CENPP: variants seen among roughly 807,000 people sequenced by gnomAD.
The protein encoded by CENPP is centromere protein P.
CENPP carries 24 observed loss-of-function variants against 35.6 expected under a neutral mutation model. The ratio of observed to expected loss-of-function variants is 0.67; its 90% CI spans 0.49 to 0.95. CENPP has a LOEUF of 0.95. Among genes scored for constraint, CENPP ranks in the 40% least tolerant of loss-of-function variants. CENPP has a pLI of 0.00. For missense variants in CENPP, 332 were observed against 345.3 expected, an observed-to-expected ratio of 0.96 and a Z score of 0.31; for synonymous variants, 120 against 125.5, an observed-to-expected ratio of 0.96 and a Z score of 0.29.
intron 3 of CENPP, among the ~76,000 whole-genome samples, chr9:92,338,326 C>A (rs1185014702): frequency 6.6e-6 from 1 of 151,678 alleles, no homozygotes; most frequent in Non-Finnish European, 1.5e-5. Flanking sequence ...AAAAAAAAAA[C>A]CACCAAAAAT....
chr9:92,496,586 G>A (rs1223367915), intron 5 of CENPP: 2 of 1,440,222 alleles, frequency 1.4e-6, no homozygotes, highest in Non-Finnish European at 1.8e-6. Context: ...TTAAAATAAA[G>A]TTGGATCCTT....
chr9:92,352,505 G>GTGTATATATATATA, intron 4 of CENPP, among the ~76,000 whole-genome samples: 2 of 49,786 alleles, frequency 4.0e-5, no homozygotes, highest in African/African-American at 1.8e-4. Flanking sequence ...GTGTGTGTGT[G>GTGTATATATATATA]TATACATATA....
chr9:92,338,839 C>T (rs1007299309), intron 3 of CENPP, among the ~76,000 whole-genome samples: 7 of 152,076 alleles, frequency 4.6e-5, no homozygotes, highest in Non-Finnish European at 7.4e-5. Flanking sequence ...TCTTGTACCT[C>T]GTATTGAACT....
intron 1 of CENPP, among the ~76,000 whole-genome samples, chr9:92,329,061 G>A (rs1840655496): frequency 6.6e-6 from 1 of 152,038 alleles, no homozygotes; most frequent in South Asian, 2.1e-4. Flanking sequence ...TGCATATCCA[G>A]CCTTTAATGA....
At chr9:92,603,813 C>G (rs1175717871) in intron 5 of CENPP, among the ~76,000 whole-genome samples, 1 of 152,162 alleles carries the variant, frequency 6.6e-6, no homozygotes, top group Non-Finnish European at 1.5e-5. Flanking sequence ...TCTTGCCCAC[C>G]TCCCCAGTCC....
intron 5 of CENPP, among the ~76,000 whole-genome samples, chr9:92,440,806 G>T (rs1844366709): frequency 6.6e-6 from 1 of 152,092 alleles, no homozygotes; most frequent in African/African-American, 2.4e-5. Flanking sequence ...TACTTGCTGT[G>T]GTTTCAGGCA....
At chr9:92,570,529 C>G (rs1290525526) in intron 5 of CENPP, among the ~76,000 whole-genome samples, 1 of 152,084 alleles carries the variant, frequency 6.6e-6, no homozygotes, top group African/African-American at 2.4e-5. Flanking sequence ...GGATATTGGT[C>G]TAAAATGCTC....
chr9:92,418,301 G>A lies in CENPP; in HGVS notation c.564+38442G>A, dbSNP rs183337115. ...GGGGTTTCTCCATCTTGGCCAGGCT[G>A]GTCTCTAACTCCTGACCTCAGGTGA... is the stretch of plus-strand genomic sequence containing the variant. On this transcript the variant is annotated intron_variant, in intron 5 of 7. Coordinates refer to ENST00000375587, the MANE Select transcript of CENPP (RefSeq NM_001012267.3). Among the ~76,000 whole-genome samples the A allele has an allele frequency of 2.1e-3, 318 of 151,582 alleles. 1 individual carries two copies. The highest frequency in any genetic ancestry group is 7.2e-3 in the African/African-American group (296 of 41,284).
intron 5 of CENPP, among the ~76,000 whole-genome samples, chr9:92,562,554 T>C (rs1849874406): frequency 6.6e-6 from 1 of 152,120 alleles, no homozygotes; most frequent in Non-Finnish European, 1.5e-5. Context: ...TCATAGGTTG[T>C]TTCTCTTTCA....
At chr9:92,379,100 T>C (rs1704543046) in intron 4 of CENPP, among the ~76,000 whole-genome samples, 1 of 152,188 alleles carries the variant, frequency 6.6e-6, no homozygotes, top group Non-Finnish European at 1.5e-5. Context: ...AACACTATAC[T>C]TACAATTAGC....
chr9:92,371,423 G>A (rs1588067447), intron 4 of CENPP, among the ~76,000 whole-genome samples: 1 of 152,222 alleles, frequency 6.6e-6, no homozygotes, highest in East Asian at 1.9e-4. Context: ...ATAGCTTCCA[G>A]GGTTCCTTTT....
At chr9:92,546,652 T>G (rs181278005) in intron 5 of CENPP, among the ~76,000 whole-genome samples, 2 of 152,166 alleles carry the variant, frequency 1.3e-5, no homozygotes, top group South Asian at 4.1e-4. Flanking sequence ...CACGCTGCCT[T>G]TAAGAACTGT....
At chr9:92,606,913 A>G (rs1399859226) in intron 5 of CENPP, among the ~76,000 whole-genome samples, 1 of 152,206 alleles carries the variant, frequency 6.6e-6, no homozygotes, top group African/African-American at 2.4e-5. Context: ...CAGTGAGCCA[A>G]GATTGCACCA....
At chr9:92,328,436 A>G (rs1039484487) in intron 1 of CENPP, among the ~76,000 whole-genome samples, 8 of 152,186 alleles carry the variant, frequency 5.3e-5, no homozygotes, top group Non-Finnish European at 1.2e-4. Flanking sequence ...TGTCTCTGCT[A>G]TTGGCTGAGT....
intron 5 of CENPP, among the ~76,000 whole-genome samples, chr9:92,444,736 G>C (rs1844508278): frequency 6.6e-6 from 1 of 152,182 alleles, no homozygotes; most frequent in African/African-American, 2.4e-5. Context: ...GCGAGTACCT[G>C]CAGGCAAAGC....
chr9:92,398,992 C>T (rs1296542217), intron 5 of CENPP, among the ~76,000 whole-genome samples: 2 of 150,584 alleles, frequency 1.3e-5, no homozygotes, highest in Non-Finnish European at 1.5e-5. Context: ...GCCCAAATGG[C>T]GGAGGTTGCA....
intron 5 of CENPP, chr9:92,403,302 C>G: frequency 6.2e-7 from 1 of 1,612,250 alleles, no homozygotes. Context: ...TCAAAATTAT[C>G]TGTTCCATAA....
intron 5 of CENPP, among the ~76,000 whole-genome samples, chr9:92,586,883 A>G (rs1025313438): frequency 4.0e-5 from 6 of 151,744 alleles, no homozygotes; most frequent in African/African-American, 1.5e-4. Flanking sequence ...AACCCTGAGG[A>G]CGGGAGAATT....
At chr9:92,448,055 AT>A (rs1214385754) in intron 5 of CENPP, among the ~76,000 whole-genome samples, 2 of 152,160 alleles carry the variant, frequency 1.3e-5, no homozygotes, top group Non-Finnish European at 2.9e-5. Context: ...CAAATGAAGG[AT>A]ATTGGGGAAC....
Sources: gnomAD v4.1 joint callset for allele counts (sites outside exome capture counted in the v4.1 genomes callset) on GRCh38, gnomAD v4.1.1 for gene constraint, MANE v1.5 for transcripts, NCBI Gene and HGNC (gene_info 2026-07-23, HGNC 2026-07-21) for gene names.